PGR: variants seen among roughly 807,000 people sequenced by gnomAD.
The protein encoded by PGR is progesterone receptor, also known as nuclear receptor subfamily 3 group C member 3.
A neutral mutation model predicts 76.1 loss-of-function variants in PGR; 25 were observed. That is an observed-to-expected ratio of 0.33 (90% CI 0.24 to 0.46). The LOEUF (loss-of-function observed/expected upper bound fraction) is 0.46. Among genes scored for constraint, PGR ranks in the 20% least tolerant of loss-of-function variants. The pLI, the probability that PGR is intolerant of heterozygous loss-of-function variation, is 1.00. For synonymous variants in PGR, 579 were observed against 535.0 expected (o/e 1.08, Z -1.14); for missense variants, 1,172 against 1,225.3 (o/e 0.96, Z 0.65).
intron 5 of PGR, among the ~76,000 whole-genome samples, chr11:101,050,467 T>C (rs1001570192): frequency 6.6e-6 from 1 of 152,086 alleles, no homozygotes; most frequent in Non-Finnish European, 1.5e-5. Flanking sequence ...TAATTTTGTG[T>C]GCAATTAAAT....
At chr11:101,122,015 C>T (rs747011679) in intron 2 of PGR, among the ~76,000 whole-genome samples, 23 of 151,804 alleles carry the variant, frequency 1.5e-4, no homozygotes, top group East Asian at 1.4e-3. Context: ...ATTAGCCAGG[C>T]GTGGTGGGGG....
rs1859708637 is a variant in PGR at position 101,042,012 on chromosome 11, T to C, written c.2579A>G (p.Gln860Arg). ...CTGTGAGCTCGACACAACTCCTTTTTGCCTCAAACCAATTGCCTTGATGAG... is the reference window on the plus strand; with the variant it reads ...CTGTGAGCTCGACACAACTCCTTTTCGCCTCAAACCAATTGCCTTGATGAG... ...RELIKAIGLRQKGVVSSSQRF... is the reference protein window; with the variant it reads ...RELIKAIGLRRKGVVSSSQRF... Residue 860 changes from glutamine to arginine, a missense_variant, in exon 7 of 8, where the codon CAA (glutamine) becomes CGA (arginine). This residue lies in a region of PGR where 166 missense variants were observed against 296.0 expected (regional missense o/e 0.56). Transcript: ENST00000325455. 6.2e-7 allele frequency: 1 copy of C among 1,613,568 alleles called. No individual in the cohort carries two copies. The highest frequency in any genetic ancestry group is 1.3e-5 in the African/African-American group (1 of 74,904).
chr11:101,116,523 T>C (rs1300004682), intron 2 of PGR, among the ~76,000 whole-genome samples: 1 of 152,128 alleles, frequency 6.6e-6, no homozygotes, highest in African/African-American at 2.4e-5. Context: ...GAGGATCACC[T>C]GAGGTCAGGA....
At position 101,068,123 on chromosome 11, in the gene PGR, C is replaced by G. The variant is rs1860789687; in HGVS notation, c.1907-5371G>C. Among the ~76,000 whole-genome samples the G allele has an allele frequency of 1.3e-5, 2 of 152,062 alleles. 1 individual carries two copies. Among genetic ancestry groups the G allele is most frequent in the South Asian group, 4.1e-4 (2 of 4,824 alleles). ...TCATATTGTTTCTATATGTCATTTG[C>G]TTTATGTGCATTTTTTTATGAATAA... On this transcript the variant is annotated intron_variant, in intron 3 of 7. Coordinates refer to ENST00000325455, the MANE Select transcript of PGR (RefSeq NM_000926.4).
At chr11:101,083,967 G>A (rs1431983388) in intron 3 of PGR, among the ~76,000 whole-genome samples, 2 of 152,116 alleles carry the variant, frequency 1.3e-5, no homozygotes, top group Non-Finnish European at 2.9e-5. Context: ...GCCAGGGGCA[G>A]AATGATATGG....
At chr11:101,078,787 C>G (rs1861210863) in intron 3 of PGR, among the ~76,000 whole-genome samples, 1 of 152,096 alleles carries the variant, frequency 6.6e-6, no homozygotes, top group Admixed American at 6.5e-5. Context: ...TATTTATTAC[C>G]TCTATTATTC....
At chr11:101,083,458 T>C (rs2135443353) in intron 3 of PGR, among the ~76,000 whole-genome samples, 1 of 152,276 alleles carries the variant, frequency 6.6e-6, no homozygotes, top group East Asian at 1.9e-4. Flanking sequence ...CTCAGAATCG[T>C]AGATCCATCA....
At chr11:101,064,508 G>T (rs920606099) in intron 3 of PGR, among the ~76,000 whole-genome samples, 1 of 152,038 alleles carries the variant, frequency 6.6e-6, no homozygotes, top group African/African-American at 2.4e-5. Context: ...GTCACAAAGG[G>T]AAGGGAAGGA....
rs142606201 is a variant in PGR at position 101,095,558 on chromosome 11, C to T, written c.1790-3682G>A. 1.1e-3 allele frequency among the ~76,000 whole-genome samples: 173 copies of T among 152,228 alleles called. 1 individual carries two copies. Among genetic ancestry groups the T allele is most frequent in the Non-Finnish European group, 2.0e-3 (139 of 68,004 alleles). On this transcript the variant is annotated intron_variant, in intron 2 of 7. Transcript: ENST00000325455. The stretch of plus-strand genomic sequence containing the variant: ...AGGCATCTAGAAGTTAAATAACATG[C>T]TCAAGGTCACACAGTTAAAACATTT...
chr11:101,102,867 G>A (rs1489218662), intron 2 of PGR, among the ~76,000 whole-genome samples: 2 of 143,800 alleles, frequency 1.4e-5, no homozygotes, highest in East Asian at 4.6e-4. Flanking sequence ...GAGGGGTGGG[G>A]GGGGTTGGGG....
chr11:101,110,844 C>T (rs969989464), intron 2 of PGR, among the ~76,000 whole-genome samples: 5 of 152,156 alleles, frequency 3.3e-5, no homozygotes, highest in African/African-American at 1.2e-4. Context: ...CAACCTCCAG[C>T]AATCACTACC....
intron 2 of PGR, among the ~76,000 whole-genome samples, chr11:101,123,355 C>G (rs1862736604): frequency 6.6e-6 from 1 of 152,190 alleles, no homozygotes; most frequent in African/African-American, 2.4e-5. Flanking sequence ...CATCCACACA[C>G]AGCGCCACCT....
At chr11:101,096,805 A>G (rs371329796) in intron 2 of PGR, among the ~76,000 whole-genome samples, 4 of 152,314 alleles carry the variant, frequency 2.6e-5, no homozygotes, top group South Asian at 4.1e-4. Flanking sequence ...CAAATTGCGT[A>G]TTATTTCTTC....
intron 4 of PGR, among the ~76,000 whole-genome samples, chr11:101,060,827 C>A (rs1810082934): frequency 6.6e-6 from 1 of 152,118 alleles, no homozygotes; most frequent in South Asian, 2.1e-4. Context: ...AAAAAAGTTG[C>A]CACCAAATTC....
At chr11:101,116,739 C>CAAAAAAAAAAA (rs11300466) in intron 2 of PGR, among the ~76,000 whole-genome samples, 3 of 68,966 alleles carry the variant, frequency 4.3e-5, no homozygotes, top group Non-Finnish European at 5.3e-5. Context: ...GATTCCACCT[C>CAAAAAAAAAAA]AAAAAAAAAA....
chr11:101,114,677 G>T (rs1862446503), intron 2 of PGR, among the ~76,000 whole-genome samples: 1 of 151,832 alleles, frequency 6.6e-6, no homozygotes, highest in Non-Finnish European at 1.5e-5. Context: ...TTCTGAAGGT[G>T]ACGTCCCCCA....
chr11:101,064,093 G>C (rs555702068), intron 3 of PGR: 1 of 152,228 alleles, frequency 6.6e-6, no homozygotes, highest in African/African-American at 2.4e-5. Context: ...CACTTTGAGA[G>C]GCCGAGGTGG....
At chr11:101,125,133 A>G (rs555504936) in intron 2 of PGR, among the ~76,000 whole-genome samples, 2 of 152,284 alleles carry the variant, frequency 1.3e-5, no homozygotes, top group African/African-American at 4.8e-5. Flanking sequence ...TTCATTTTAC[A>G]TAGTTATAGA....
chr11:101,071,743 C>T (rs1023033655), intron 3 of PGR, among the ~76,000 whole-genome samples: 10 of 151,664 alleles, frequency 6.6e-5, no homozygotes, highest in Non-Finnish European at 1.3e-4. Flanking sequence ...TGAAGATCAA[C>T]TGAATGAAAT....
Sources: gnomAD v4.1 joint callset for allele counts (sites outside exome capture counted in the v4.1 genomes callset) on GRCh38, gnomAD v4.1.1 for gene constraint, gnomAD v4.1.1 regional missense constraint, MANE v1.5 for transcripts, NCBI Gene and HGNC (gene_info 2026-07-23, HGNC 2026-07-21) for gene names.